Variants in VPS13D observed in about 807,000 individuals in gnomAD.
The protein encoded by VPS13D is intermembrane lipid transfer protein VPS13D.
Under a neutral mutation model 461.9 loss-of-function variants are expected in VPS13D, and 187 were observed. The ratio of observed to expected loss-of-function variants is 0.40; its 90% CI spans 0.36 to 0.46. The LOEUF is 0.46. Among genes scored for constraint, VPS13D ranks in the 20% least tolerant of loss-of-function variants. VPS13D has a pLI of 0.60. For synonymous variants in VPS13D, 1,951 were observed against 1,986.3 expected, an observed-to-expected ratio of 0.98 and a Z score of 0.47; for missense variants, 4,711 against 5,364.9, an observed-to-expected ratio of 0.88 and a Z score of 3.81.
chr1:12,476,159 T>G (rs1645628557), intron 67 of VPS13D, among the ~76,000 whole-genome samples: 1 of 152,196 alleles, frequency 6.6e-6, no homozygotes, highest in African/African-American at 2.4e-5. Context: ...GGTTTCTACA[T>G]CTCATTTGTA....
intron 1 of VPS13D, among the ~76,000 whole-genome samples, chr1:12,230,746 C>T (rs1365104603): frequency 1.3e-5 from 2 of 150,938 alleles, no homozygotes; most frequent in Non-Finnish European, 3.0e-5. Flanking sequence ...TGTGGGATGC[C>T]AGACATCAGG....
At chr1:12,421,472 C>G (rs558039722) in intron 65 of VPS13D, among the ~76,000 whole-genome samples, 1 of 152,304 alleles carries the variant, frequency 6.6e-6, no homozygotes, top group East Asian at 1.9e-4. Context: ...GCAAGACACT[C>G]TAACATCTTT....
At position 12,276,665 on chromosome 1, in the gene VPS13D, T is replaced by A. The variant is rs1569775956; in HGVS notation, c.3077T>A (p.Leu1026Ter). Residue 1026 changes from leucine to a stop codon, truncating the protein, a stop_gained, in exon 19 of 70, where the codon TTG becomes TAG. Coordinates refer to ENST00000620676, the MANE Select transcript of VPS13D (RefSeq NM_015378.4). LOFTEE classifies it high-confidence loss of function. This position sits in a 1 kb window ranked among gnomAD's most constrained non-coding sequence, Gnocchi z 4.5. ...FDLLMASHKN[L>*]SFDIPTGSLR... ...CTTTTGATGGCTTCACATAAGAACT[T>A]GAGCTTTGATATTCCAACGGGAAGC... is the stretch of plus-strand genomic sequence containing the variant. 1 of 1,613,632 alleles carries A rather than the reference T, an allele frequency of 6.2e-7. No homozygotes were observed. Among genetic ancestry groups the A allele is most frequent in the South Asian group, 1.1e-5 (1 of 91,082 alleles).
At chr1:12,361,899 C>T (rs1643956429) in intron 50 of VPS13D, among the ~76,000 whole-genome samples, 1 of 152,144 alleles carries the variant, frequency 6.6e-6, no homozygotes, top group Admixed American at 6.5e-5. Context: ...CACACTGTCA[C>T]CCAGACTAGA....
Position 12,335,708 on chromosome 1 carries a change from A to G in VPS13D, c.8432A>G (p.Gln2811Arg), listed in dbSNP as rs139916048. The G allele has an allele frequency of 3.7e-6, 6 of 1,612,024 alleles. No homozygotes were observed. The highest frequency in any genetic ancestry group is 2.7e-5 in the African/African-American group (2 of 74,834). Residue 2811 changes from glutamine (Q) to arginine (R), a missense_variant, in exon 39 of 70, where the codon CAG becomes CGG. Physicochemically the swap from Gln to Arg is conservative, Grantham distance 43. Around this residue, in one of 3 missense-constraint regions of VPS13D, gnomAD observed 4,411 missense variants for 4,937.8 expected, o/e 0.89. Transcript: ENST00000620676. ...DINITSVLIDQYVSTKESWMA... is the reference protein window; with the variant it reads ...DINITSVLIDRYVSTKESWMA... ...ATCTCTGGGGGATTCTTTCTAGACCAGTATGTAAGTACCAAGGAATCGTGG... is the reference window on the plus strand; with the variant it reads ...ATCTCTGGGGGATTCTTTCTAGACCGGTATGTAAGTACCAAGGAATCGTGG...
chr1:12,504,842 G>T (rs1646083628), intron 68 of VPS13D, among the ~76,000 whole-genome samples: 1 of 152,166 alleles, frequency 6.6e-6, no homozygotes, highest in African/African-American at 2.4e-5. Context: ...AGTCATGTCG[G>T]CCACTCTGGC....
In VPS13D at chr1:12,345,505, C is replaced by G. The variant is rs369383871; in HGVS notation, c.9017C>G (p.Ser3006Cys). 6.2e-7 allele frequency: 1 copy of G among 1,611,600 alleles called. No homozygotes were observed. Among genetic ancestry groups the G allele is most frequent in the African/African-American group, 1.3e-5 (1 of 74,910 alleles). The change falls in exon 43 of 70, where the codon TCT becomes TGT. Residue 3006 changes from serine to cysteine, a missense_variant. By Grantham distance (112) the Ser-to-Cys change is moderately radical. Transcript: ENST00000620676. ...YAAPDKNSSSSTIGSPSSRTN... is the reference protein window; with the variant it reads ...YAAPDKNSSSCTIGSPSSRTN... ...GCACCAGATAAAAATTCATCTTCCT[C>G]TACGGTGTGTGACATTCAGGAAGTC...
chr1:12,269,052 A>G (rs1167294209), intron 16 of VPS13D, among the ~76,000 whole-genome samples, 176 bp downstream of exon 16: 1 of 152,226 alleles, frequency 6.6e-6, no homozygotes, highest in Admixed American at 6.5e-5. Context: ...ATTTGTGGAC[A>G]GTCTTTTCCA....
chr1:12,500,184 T>C (rs1646017630), intron 68 of VPS13D: 2 of 984,464 alleles, frequency 2.0e-6, no homozygotes. Flanking sequence ...TGTCATTCTA[T>C]TTAATTAATT....
At chr1:12,363,305 TG>T (rs996246833) in intron 52 of VPS13D, 58 bp downstream of exon 52, 1 of 1,548,928 alleles carries the variant, frequency 6.5e-7, no homozygotes, top group African/African-American at 1.4e-5. Flanking sequence ...GATGCAGTAC[TG>T]TAATAACAAG....
intron 60 of VPS13D, among the ~76,000 whole-genome samples, chr1:12,394,503 T>A (rs1347430720): frequency 2.6e-5 from 4 of 152,176 alleles, no homozygotes; most frequent in Non-Finnish European, 5.9e-5. Flanking sequence ...ATCCCCATTG[T>A]GTTTAAATTT....
chr1:12,246,694 G>A (rs1456354637), intron 5 of VPS13D, among the ~76,000 whole-genome samples: 2 of 151,986 alleles, frequency 1.3e-5, no homozygotes, highest in Non-Finnish European at 2.9e-5. Context: ...TAAAGGGTAC[G>A]TTCTTTTGAT....
chr1:12,247,554 G>A (rs1640596816), intron 5 of VPS13D, among the ~76,000 whole-genome samples: 1 of 151,938 alleles, frequency 6.6e-6, no homozygotes, highest in Admixed American at 6.6e-5. Flanking sequence ...ATTATTCATT[G>A]TGTACTAGTG....
At chr1:12,429,838 G>A (rs1167189430) in intron 65 of VPS13D, among the ~76,000 whole-genome samples, 1 of 152,118 alleles carries the variant, frequency 6.6e-6, no homozygotes, top group African/African-American at 2.4e-5. Flanking sequence ...CCCAGGCTTC[G>A]CTTAAGGTAG....
intron 65 of VPS13D, among the ~76,000 whole-genome samples, chr1:12,441,933 C>T (rs554321051): frequency 8.5e-5 from 13 of 152,292 alleles, no homozygotes; most frequent in Admixed American, 7.2e-4. Flanking sequence ...CCTTATACCA[C>T]TTTATCTCCA....
intron 12 of VPS13D, 106 bp from the exon 13 acceptor site, chr1:12,261,795 G>T: frequency 1.0e-6 from 1 of 1,002,140 alleles, no homozygotes; most frequent in Non-Finnish European, 1.4e-6. Context: ...CTTAACAAAG[G>T]GAAAAATAGT....
intron 68 of VPS13D, among the ~76,000 whole-genome samples, chr1:12,498,516 T>C (rs1331722573): frequency 6.6e-6 from 1 of 152,186 alleles, no homozygotes; most frequent in Non-Finnish European, 1.5e-5. Context: ...CCAGAAGGTA[T>C]TTGTTGCTTG....
At position 12,364,968 on chromosome 1, in the gene VPS13D, T is replaced by A. The variant is rs145618711; in HGVS notation, c.10448+1721T>A. ...GCATAAGGTGAGGGTCCAGCTTCATTTTTTGGTATGTGGATATTTGGTTTT... is the reference window on the plus strand; with the variant it reads ...GCATAAGGTGAGGGTCCAGCTTCATATTTTGGTATGTGGATATTTGGTTTT... On this transcript the variant is annotated intron_variant, in intron 52 of 69. Coordinates refer to ENST00000620676, the MANE Select transcript of VPS13D (RefSeq NM_015378.4). Among the ~76,000 whole-genome samples the A allele has an allele frequency of 1.8e-3, 267 of 152,288 alleles. 4 individuals carry two copies. Among genetic ancestry groups the A allele is most frequent in the African/African-American group, 5.7e-3 (238 of 41,558 alleles).
intron 22 of VPS13D, among the ~76,000 whole-genome samples, chr1:12,288,750 G>A (rs1213064808): frequency 6.6e-6 from 1 of 152,094 alleles, no homozygotes; most frequent in African/African-American, 2.4e-5. Flanking sequence ...TGGGAAACCA[G>A]AGGATATGAC....
Sources: gnomAD v4.1 joint callset for allele counts (sites outside exome capture counted in the v4.1 genomes callset) on GRCh38, gnomAD v4.1.1 for gene constraint, gnomAD v4.1.1 regional missense constraint, Gnocchi (gnomAD v3.1) non-coding constraint, MANE v1.5 for transcripts, NCBI Gene and HGNC (gene_info 2026-07-23, HGNC 2026-07-21) for gene names.